The following SRCAP variants were observed in gnomAD, a reference collection of about 807,000 sequenced individuals.
SRCAP encodes the protein chromatin remodeling protein SRCAP.
In SRCAP, 46 loss-of-function variants were observed where a neutral mutation model predicts 263.1. The observed-to-expected ratio is 0.17, with a 90% confidence interval of 0.14 to 0.22. SRCAP has a LOEUF of 0.22. Ranked by LOEUF, SRCAP falls within the 10% of genes least tolerant of loss-of-function variation. The pLI is 1.00. For missense variants in SRCAP, 3,695 were observed against 4,181.9 expected (o/e 0.88, Z 3.21); for synonymous variants, 1,813 against 1,662.1 (o/e 1.09, Z -2.21).
chr16:30,719,290 A>G (rs1326981672), intron 18 of SRCAP, among the ~76,000 whole-genome samples: 4 of 151,426 alleles, frequency 2.6e-5, no homozygotes, highest in Non-Finnish European at 4.4e-5. Context: ...ATCTTGGCTC[A>G]CTGCAAGCTC....
chr16:30,724,831 G>A lies in SRCAP; in HGVS notation c.5407G>A (p.Ala1803Thr). Residue 1803 changes from alanine to threonine, a missense_variant, in exon 25 of 34, where the codon GCT (alanine) becomes ACT (threonine). By Grantham distance (58) the Ala-to-Thr change is moderately conservative. Transcript: ENST00000262518. Reference protein sequence around the residue: ...APVPTLGPAAAQTLALAPAST... With the variant: ...APVPTLGPAATQTLALAPAST... ...AGTTCCTACCCTGGGCCCGGCCGCA[G>A]CTCAGACCTTGGCGCTGGCCCCAGC... The A allele has an allele frequency of 3.1e-6, 5 of 1,613,924 alleles. No individual in the cohort carries two copies. The highest frequency in any genetic ancestry group is 4.2e-6 in the Non-Finnish European group (5 of 1,179,874).
intron 8 of SRCAP, chr16:30,710,387 C>T (rs1398161146): frequency 1.6e-6 from 1 of 620,680 alleles, no homozygotes; most frequent in Non-Finnish European, 2.9e-6. Flanking sequence ...AAAGTACTTC[C>T]TCTGACCGTT....
At chr16:30,715,284 G>A (rs1487022314) in intron 16 of SRCAP, among the ~76,000 whole-genome samples, 7 of 151,958 alleles carry the variant, frequency 4.6e-5, no homozygotes, top group South Asian at 4.2e-4. Flanking sequence ...ACAGGAAGTC[G>A]GCCGGGCGCG....
intron 31 of SRCAP, 142 bp downstream of exon 31, chr16:30,734,757 C>G: frequency 1.6e-6 from 2 of 1,283,964 alleles, no homozygotes; most frequent in South Asian, 3.0e-5. Context: ...TAGTTGTAAG[C>G]ACATTGCTTA....
Position 30,737,152 on chromosome 16 carries a change from C to T in SRCAP, c.7112C>T (p.Ser2371Phe), listed in dbSNP as rs540911812. The T allele has an allele frequency of 1.2e-6, 2 of 1,614,034 alleles. No individual in the cohort carries two copies. Among genetic ancestry groups the T allele is most frequent in the East Asian group, 4.5e-5 (2 of 44,880 alleles). Residue 2371 changes from serine to phenylalanine, a missense_variant, in exon 34 of 34, where the codon TCC becomes TTC. This residue lies in a region of SRCAP where 1,207 missense variants were observed against 1,142.9 expected (regional missense o/e 1.06). Transcript: ENST00000262518. ...GGGCCGGGGGCTGGGGATGAGAGTTCCTGTGGGACTGGTGGAGGCACCCAC... is the reference window on the plus strand; with the variant it reads ...GGGCCGGGGGCTGGGGATGAGAGTTTCTGTGGGACTGGTGGAGGCACCCAC... The part of the protein sequence containing the change: ...EEGPGAGDES[S>F]CGTGGGTHRR...
Position 30,729,044 on chromosome 16 carries a change from G to A in SRCAP, c.5737G>A (p.Ala1913Thr). 6.2e-7 allele frequency: 1 copy of A among 1,614,158 alleles called. No homozygotes were observed. The highest frequency in any genetic ancestry group is 1.1e-5 in the South Asian group (1 of 91,086). ...TTTCCAACTTAGTGAGGCTCATGGG[G>A]CCCTGGCACCTGTGTATGGGACTGA... ...RIFQLSEAHG[A>T]LAPVYGTEVL... Residue 1913 changes from alanine (A) to threonine (T), a missense_variant, in exon 26 of 34, where the codon GCC (alanine) becomes ACC (threonine). Ala to Thr is a moderately conservative substitution (Grantham distance 58, BLOSUM62 0). Coordinates refer to ENST00000262518, the MANE Select transcript of SRCAP (RefSeq NM_006662.3).
At chr16:30,727,957 T>C (rs922473712) in intron 25 of SRCAP, among the ~76,000 whole-genome samples, 1 of 152,172 alleles carries the variant, frequency 6.6e-6, no homozygotes, top group Non-Finnish European at 1.5e-5. Context: ...GCTGGGATTA[T>C]AGGCTTGAGC....
chr16:30,706,021 T>G (rs1246517139), intron 4 of SRCAP, among the ~76,000 whole-genome samples: 1 of 152,182 alleles, frequency 6.6e-6, no homozygotes, highest in Non-Finnish European at 1.5e-5. Flanking sequence ...TCCAGATGAT[T>G]CCGGTGCCTC....
intron 23 of SRCAP, 78 bp downstream of exon 23, chr16:30,722,826 G>A: frequency 1.9e-6 from 3 of 1,551,664 alleles, no homozygotes; most frequent in Non-Finnish European, 2.6e-6. Flanking sequence ...TGTCTGTCCA[G>A]CCTTCCCTCA....
Position 30,737,138 on chromosome 16 carries a change from T to C in SRCAP, c.7098T>C (p.Ala2366=), listed in dbSNP as rs753664282. 8 of 1,613,632 alleles carry C rather than the reference T, an allele frequency of 5.0e-6. No individual in the cohort carries two copies. In the South Asian group the frequency reaches 8.8e-5, roughly 18 times the overall value. The change falls in exon 34 of 34, where the codon GCT becomes GCC. Residue 2366 remains alanine, a synonymous_variant. Transcript: ENST00000262518. Reference sequence around the variant, plus strand: ...AAGAGGAGGAGGAGGGGCCGGGGGCTGGGGATGAGAGTTCCTGTGGGACTG... The same window carrying C: ...AAGAGGAGGAGGAGGGGCCGGGGGCCGGGGATGAGAGTTCCTGTGGGACTG... The part of the protein sequence containing the change: ...LPQEEEEGPG[A]GDESSCGTGG...
In SRCAP at chr16:30,724,979, C is replaced by T; in HGVS notation, c.5555C>T (p.Thr1852Ile). 6.2e-7 allele frequency: 1 copy of T among 1,614,232 alleles called. No individual in the cohort carries two copies. Among genetic ancestry groups the T allele is most frequent in the Admixed American group, 1.7e-5 (1 of 60,028 alleles). ...TCCAAGGATGAGCCTGACACACTGACATTGCGCTCTGGTCCCCCCAGCCCT... is the reference window on the plus strand; with the variant it reads ...TCCAAGGATGAGCCTGACACACTGATATTGCGCTCTGGTCCCCCCAGCCCT... ...PVSKDEPDTL[T>I]LRSGPPSPPS... Residue 1852 changes from threonine (T) to isoleucine (I), a missense_variant, in exon 25 of 34, where the codon ACA becomes ATA. Transcript: ENST00000262518.
Position 30,739,558 on chromosome 16 carries a change from A to G in SRCAP, c.9518A>G (p.Glu3173Gly), listed in dbSNP as rs767217766. The change falls in exon 34 of 34, where the codon GAG becomes GGG. Residue 3173 changes from glutamate (E) to glycine (G), a missense_variant. Around this residue, in one of 12 missense-constraint regions of SRCAP, gnomAD observed 1,207 missense variants for 1,142.9 expected, o/e 1.06. Transcript: ENST00000262518. The part of the protein sequence containing the change: ...LGPEGSVEES[E>G]AEASGEEEEG... ...CCTGAGGGTTCAGTAGAGGAGTCTGAGGCTGAAGCCTCAGGTGAGGAGGAG... is the reference window on the plus strand; with the variant it reads ...CCTGAGGGTTCAGTAGAGGAGTCTGGGGCTGAAGCCTCAGGTGAGGAGGAG... The G allele has an allele frequency of 8.7e-6, 14 of 1,609,166 alleles. No homozygotes were observed. Among genetic ancestry groups the G allele is most frequent in the Non-Finnish European group, 9.3e-6 (11 of 1,177,926 alleles).
rs867520754 is a variant in SRCAP, at chr16:30,739,092, C to T, written c.9052C>T (p.Arg3018Trp). The change falls in exon 34 of 34, where the codon CGG becomes TGG. Residue 3018 changes from arginine (R) to tryptophan (W), a missense_variant. Arg to Trp is a moderately radical substitution (Grantham distance 101). This residue lies in a region of SRCAP where 1,207 missense variants were observed against 1,142.9 expected (regional missense o/e 1.06). Transcript: ENST00000262518. Reference protein sequence around the residue: ...GRPPKNPPSPRPSQLPVLDRD... With the variant: ...GRPPKNPPSPWPSQLPVLDRD... ...ACCTCCCAAGAATCCTCCATCACCT[C>T]GGCCCAGCCAGCTCCCCGTCTTGGA... The T allele has an allele frequency of 1.9e-5, 31 of 1,614,110 alleles. No homozygotes were observed. In the Middle Eastern group the frequency reaches 1.6e-3, roughly 86 times the overall value.
Position 30,723,141 on chromosome 16 carries a change from T to C in SRCAP, c.4071T>C (p.Thr1357=), listed in dbSNP as rs1466061413. The C allele has an allele frequency of 1.2e-6, 2 of 1,614,060 alleles. No homozygotes were observed. Among genetic ancestry groups the C allele is most frequent in the African/African-American group, 1.3e-5 (1 of 75,000 alleles). Residue 1357 remains threonine (T), a synonymous_variant, in exon 24 of 34, where the codon ACT becomes ACC. Transcript: ENST00000262518. Reference sequence around the variant, plus strand: ...CCCCTGGCCGGCTACCCACACCTACTCTGGGTACTGCTCGAGCCCCCATGC... The same window carrying C: ...CCCCTGGCCGGCTACCCACACCTACCCTGGGTACTGCTCGAGCCCCCATGC... ...TLTPGRLPTP[T]LGTARAPMPT...
In SRCAP at chr16:30,716,359, A is replaced by G; in HGVS notation, c.2697A>G (p.Lys899=). Residue 899 remains lysine, a synonymous_variant, in exon 18 of 34, where the codon AAA becomes AAG. Coordinates refer to ENST00000262518, the MANE Select transcript of SRCAP (RefSeq NM_006662.3). ...SVINILMQLR[K]VCNHPNLFDP... is the part of the protein sequence containing the mutation. Reference sequence around the variant, plus strand: ...TCAACATTTTGATGCAGCTGAGAAAAGTTTGCAATCATCCAAATCTGTTCG... The same window carrying G: ...TCAACATTTTGATGCAGCTGAGAAAGGTTTGCAATCATCCAAATCTGTTCG... 1 of 1,614,152 alleles carries G rather than the reference A, an allele frequency of 6.2e-7. No individual in the cohort carries two copies. The highest frequency in any genetic ancestry group is 1.1e-5 in the South Asian group (1 of 91,082).
chr16:30,708,516 C>G (rs1031940284), intron 6 of SRCAP, among the ~76,000 whole-genome samples: 1 of 151,974 alleles, frequency 6.6e-6, no homozygotes, highest in Admixed American at 6.6e-5. Context: ...GCCTCAGGCT[C>G]TGGAGTAGCT....
In SRCAP at chr16:30,739,151, A is replaced by G; in HGVS notation, c.9111A>G (p.Gly3037=). 6.2e-7 allele frequency: 1 copy of G among 1,614,058 alleles called. No individual in the cohort carries two copies. The highest frequency in any genetic ancestry group is 8.5e-7 in the Non-Finnish European group (1 of 1,179,980). Residue 3037 remains glycine (G), a synonymous_variant, in exon 34 of 34, where the codon GGA becomes GGG. Coordinates refer to ENST00000262518, the MANE Select transcript of SRCAP (RefSeq NM_006662.3). The part of the protein sequence containing the change: ...RDSTSVLESC[G]LGRRRQPQGQ... ...GCACTTCTGTTCTCGAGAGCTGTGG[A>G]TTGGGGAGGCGACGGCAACCCCAGG...
At chr16:30,735,239 C>T (rs957613797) in intron 31 of SRCAP, among the ~76,000 whole-genome samples, 8 of 145,146 alleles carry the variant, frequency 5.5e-5, no homozygotes, top group Non-Finnish European at 7.5e-5. Flanking sequence ...CTCCGCCTCC[C>T]GGGTTCACGC....
intron 16 of SRCAP, among the ~76,000 whole-genome samples, chr16:30,715,094 A>G (rs2052933888): frequency 6.6e-6 from 1 of 152,172 alleles, no homozygotes; most frequent in Non-Finnish European, 1.5e-5. Flanking sequence ...TCCAGTCTGT[A>G]CTAAAATTCC....
Sources: allele counts gnomAD v4.1 joint callset (sites outside exome capture counted in the v4.1 genomes callset), GRCh38; gene constraint gnomAD v4.1.1; regional missense constraint gnomAD v4.1.1; transcripts MANE v1.5; gene names NCBI Gene and HGNC (gene_info 2026-07-23, HGNC 2026-07-21).